The following LCOR variants were observed in gnomAD, a reference collection of about 807,000 sequenced individuals.
LCOR encodes the protein ligand dependent nuclear receptor corepressor, also known as ligand-dependent corepressor.
LCOR carries 14 observed loss-of-function variants against 64.4 expected under a neutral mutation model. That is an observed-to-expected ratio of 0.22 (90% CI 0.14 to 0.34). The LOEUF (loss-of-function observed/expected upper bound fraction) is 0.34, where lower values mean the gene tolerates loss of function less well. Among genes scored for constraint, LCOR ranks in the 10% least tolerant of loss-of-function variants. LCOR has a pLI of 1.00. For synonymous variants in LCOR, 643 were observed against 642.5 expected (o/e 1.00, Z -0.01); for missense variants, 1,686 against 1,765.3 (o/e 0.96, Z 0.80).
chr10:96,835,339 A>G (rs1332447048), intron 2 of LCOR, among the ~76,000 whole-genome samples: 5 of 152,218 alleles, frequency 3.3e-5, no homozygotes, highest in Admixed American at 1.3e-4. Context: ...TTTAACTCCA[A>G]ATTTCCACTT....
At chr10:96,844,126 T>G (rs1755536149) in intron 2 of LCOR, among the ~76,000 whole-genome samples, 2 of 39,082 alleles carry the variant, frequency 5.1e-5, no homozygotes, top group South Asian at 9.6e-4. Context: ...CCTCCCTCCC[T>G]TCCTTCCCTC....
At chr10:96,928,083 T>G (rs1407110409) in intron 4 of LCOR, among the ~76,000 whole-genome samples, 1 of 152,192 alleles carries the variant, frequency 6.6e-6, no homozygotes, top group Non-Finnish European at 1.5e-5. Context: ...TGCCAACTGA[T>G]CAAGTTGGTG....
At chr10:96,839,725 G>T (rs1401296812) in intron 2 of LCOR, among the ~76,000 whole-genome samples, 1 of 150,122 alleles carries the variant, frequency 6.7e-6, no homozygotes, top group Non-Finnish European at 1.5e-5. Context: ...TGGCTCTGTT[G>T]CCCAGGTTGG....
At chr10:96,867,803 A>G (rs1318841791) in intron 2 of LCOR, among the ~76,000 whole-genome samples, 1 of 152,102 alleles carries the variant, frequency 6.6e-6, no homozygotes, top group Admixed American at 6.6e-5. Flanking sequence ...ATGTATAAAT[A>G]TATATAAATT....
At chr10:96,858,992 AT>A (rs1291627738) in intron 2 of LCOR, among the ~76,000 whole-genome samples, 2 of 152,184 alleles carry the variant, frequency 1.3e-5, no homozygotes, top group Non-Finnish European at 2.9e-5. Context: ...ACATTGCAGT[AT>A]TGTGCTTTTA....
Position 96,944,571 on chromosome 10 carries a change from ATAAC to A in LCOR, c.-51+330_-51+333del, listed in dbSNP as rs1317663255. On this transcript the variant is annotated intron_variant, in intron 5 of 7. Transcript: ENST00000421806. The stretch of plus-strand genomic sequence containing the variant: ...GAGACAGTTACTGTTTTAATCACCG[ATAAC>A]TAAATCCAACTGTGTGATTTTTTTT... Among the ~76,000 whole-genome samples the A allele has an allele frequency of 4.6e-5, 7 of 151,564 alleles. No individual in the cohort carries two copies. The East Asian group carries it at 1.4e-3, about 29-fold the overall frequency.
At chr10:96,918,942 A>G (rs1179300838) in intron 4 of LCOR, among the ~76,000 whole-genome samples, 1 of 152,158 alleles carries the variant, frequency 6.6e-6, no homozygotes, top group Non-Finnish European at 1.5e-5. Context: ...TCAGCAACAA[A>G]AAAGGTAAAG....
rs929245492 is a variant in LCOR at position 96,833,337 on chromosome 10, C to T, written c.-403-69C>T. The T allele has an allele frequency of 1.5e-5, 15 of 968,970 alleles. No homozygotes were observed. The African/African-American group carries it at 2.6e-4, about 17-fold the overall frequency. 60.0% of individuals were successfully genotyped at this position (968,970 alleles called of 1,614,324 possible). ...CCGGAGGGAGCGCGGACGGGGGCGC[C>T]CCGGGAGGGGCCGGGCGGCCGAGCT... On this transcript the variant is annotated intron_variant, in intron 1 of 7. Transcript: ENST00000421806.
chr10:96,875,344 G>T (rs1846145272), intron 2 of LCOR, among the ~76,000 whole-genome samples: 1 of 151,768 alleles, frequency 6.6e-6, no homozygotes, highest in Non-Finnish European at 1.5e-5. Flanking sequence ...CTGTACTCCA[G>T]CCTGGGCGAC....
At chr10:96,908,521 A>G (rs191627294) in intron 4 of LCOR, among the ~76,000 whole-genome samples, 13 of 152,300 alleles carry the variant, frequency 8.5e-5, no homozygotes, top group East Asian at 5.8e-4. Flanking sequence ...CATGAATGCT[A>G]TTATTTTTAA....
chr10:96,834,925 G>C (rs1352295963), intron 2 of LCOR, among the ~76,000 whole-genome samples: 1 of 152,158 alleles, frequency 6.6e-6, no homozygotes, highest in African/African-American at 2.4e-5. Flanking sequence ...TATTGAGACG[G>C]AGTTTCACTC....
intron 4 of LCOR, among the ~76,000 whole-genome samples, chr10:96,941,661 C>T (rs1249032915): frequency 4.3e-4 from 64 of 149,328 alleles, no homozygotes; most frequent in African/African-American, 1.4e-3. Flanking sequence ...GGCTGCCGGA[C>T]GGAGGGGCTC....
At chr10:96,851,557 A>C (rs184374900) in intron 2 of LCOR, among the ~76,000 whole-genome samples, 4 of 152,312 alleles carry the variant, frequency 2.6e-5, no homozygotes, top group African/African-American at 9.6e-5. Context: ...CAGAGAGAGA[A>C]CATGGTGAAA....
At chr10:96,952,489 A>C (rs768922270) in intron 7 of LCOR, among the ~76,000 whole-genome samples, 5 of 152,174 alleles carry the variant, frequency 3.3e-5, no homozygotes, top group African/African-American at 4.8e-5. Context: ...TAAAGTTTAG[A>C]TGTAAAGACA....
intron 2 of LCOR, among the ~76,000 whole-genome samples, chr10:96,872,325 A>C (rs1168813420): frequency 6.6e-6 from 1 of 152,236 alleles, no homozygotes; most frequent in Non-Finnish European, 1.5e-5. Flanking sequence ...TGAGATTTTA[A>C]GAGTGTCCAA....
chr10:96,943,727 A>C (rs1177832915), intron 4 of LCOR, among the ~76,000 whole-genome samples: 2 of 151,154 alleles, frequency 1.3e-5, no homozygotes, highest in South Asian at 2.1e-4. Context: ...TTTGGAATTC[A>C]AAAAAAATTT....
At chr10:96,895,218 C>T (rs1328371960) in intron 2 of LCOR, among the ~76,000 whole-genome samples, 1 of 152,172 alleles carries the variant, frequency 6.6e-6, no homozygotes, top group East Asian at 1.9e-4. Context: ...GACTTATCCC[C>T]AAAGTGAACT....
At chr10:96,938,551 A>G (rs1401588677) in intron 4 of LCOR, among the ~76,000 whole-genome samples, 1 of 152,148 alleles carries the variant, frequency 6.6e-6, no homozygotes, top group African/African-American at 2.4e-5. Context: ...TAGACAATAA[A>G]AAGAAACCAA....
intron 4 of LCOR, among the ~76,000 whole-genome samples, chr10:96,920,150 A>G (rs1847022644): frequency 1.3e-5 from 2 of 150,156 alleles, no homozygotes; most frequent in South Asian, 4.2e-4. Flanking sequence ...TGTTGCCCTC[A>G]TTTGTTTTCT....
Sources: allele counts gnomAD v4.1 joint callset (sites outside exome capture counted in the v4.1 genomes callset), GRCh38; gene constraint gnomAD v4.1.1; transcripts MANE v1.5; gene names NCBI Gene and HGNC (gene_info 2026-07-23, HGNC 2026-07-21).